The following STK32B variants were observed in gnomAD, a reference collection of about 807,000 sequenced individuals.
STK32B encodes serine/threonine-protein kinase 32B.
A neutral mutation model predicts 52.6 loss-of-function variants in STK32B; 43 were observed. The ratio of observed to expected loss-of-function variants is 0.82; its 90% CI spans 0.64 to 1.05. The LOEUF (loss-of-function observed/expected upper bound fraction) is 1.05. Ranked by LOEUF, STK32B falls within the 50% of genes least tolerant of loss-of-function variation. STK32B has a pLI of 0.00. For synonymous variants in STK32B, 238 were observed against 204.3 expected (o/e 1.17, Z -1.41); for missense variants, 621 against 534.6 (o/e 1.16, Z -1.59).
intron 1 of STK32B, among the ~76,000 whole-genome samples, chr4:5,096,685 C>T (rs557012287): frequency 3.1e-4 from 47 of 152,254 alleles, no homozygotes; most frequent in Admixed American, 1.9e-3. Context: ...GGGCCAGTCG[C>T]GAACACCATG....
At chr4:5,230,211 G>GTTTTTTTTTTTT (rs1553853809) in intron 3 of STK32B, among the ~76,000 whole-genome samples, 1 of 46,992 alleles carries the variant, frequency 2.1e-5, no homozygotes, top group African/African-American at 1.3e-4. Context: ...TTTTTTTTTA[G>GTTTTTTTTTTTT]TGGAGTCTTG....
intron 3 of STK32B, among the ~76,000 whole-genome samples, chr4:5,193,595 G>T (rs946795994): frequency 6.6e-6 from 1 of 152,228 alleles, no homozygotes; most frequent in Admixed American, 6.5e-5. Flanking sequence ...CGGCTGTGCT[G>T]CATCCTGGAA....
chr4:5,190,573 G>A (rs1721106419), intron 3 of STK32B, among the ~76,000 whole-genome samples: 1 of 152,166 alleles, frequency 6.6e-6, no homozygotes, highest in Non-Finnish European at 1.5e-5. Flanking sequence ...GGTGATGTAT[G>A]CAGAGCAAAA....
At chr4:5,271,402 A>G (rs1411469602) in intron 3 of STK32B, among the ~76,000 whole-genome samples, 11 of 152,144 alleles carry the variant, frequency 7.2e-5, no homozygotes, top group African/African-American at 2.4e-4. Flanking sequence ...TTAAGACTCA[A>G]TATTGCTTGT....
At chr4:5,101,681 C>T in intron 1 of STK32B, among the ~76,000 whole-genome samples, 1 of 152,070 alleles carries the variant, frequency 6.6e-6, no homozygotes, top group East Asian at 1.9e-4. Flanking sequence ...TAACTCAAAG[C>T]ATTTCTTTAA....
At chr4:5,181,694 C>A (rs2108753765) in intron 3 of STK32B, among the ~76,000 whole-genome samples, 1 of 152,258 alleles carries the variant, frequency 6.6e-6, no homozygotes, top group South Asian at 2.1e-4. Flanking sequence ...AGAATTATGT[C>A]TAAAAAACAA....
rs1314258173 is a variant in STK32B, at chr4:5,399,621, A to C, written c.472+1377A>C. Among the ~76,000 whole-genome samples, 37 of 152,182 alleles carry C rather than the reference A, an allele frequency of 2.4e-4. No homozygotes were observed. The highest frequency in any genetic ancestry group is 2.4e-3 in the Admixed American group (37 of 15,282). On this transcript the variant is annotated intron_variant, in intron 5 of 11. Transcript: ENST00000282908. The surrounding 1 kb of genome is among the most constrained non-coding windows in gnomAD (Gnocchi z 5.4). ...AGCGAAAGCAACGTCTCCAGTTTGTATCTAAAAGTCAGGATCTTCAGATGT... is the reference window on the plus strand; with the variant it reads ...AGCGAAAGCAACGTCTCCAGTTTGTCTCTAAAAGTCAGGATCTTCAGATGT...
chr4:5,387,719 A>G (rs1250878926), intron 4 of STK32B, among the ~76,000 whole-genome samples: 1 of 152,162 alleles, frequency 6.6e-6, no homozygotes, highest in Non-Finnish European at 1.5e-5. Flanking sequence ...AGGAGCTGGC[A>G]TGCTTCTGCC....
chr4:5,120,028 T>C (rs1296900979), intron 1 of STK32B, among the ~76,000 whole-genome samples: 1 of 152,154 alleles, frequency 6.6e-6, no homozygotes, highest in African/African-American at 2.4e-5. Context: ...ATTTCAGAAA[T>C]GAACAATTTT....
chr4:5,446,895 G>GC (rs1274904582), intron 7 of STK32B, 119 bp downstream of exon 7: 11 of 912,546 alleles, frequency 1.2e-5, no homozygotes, highest in Admixed American at 8.7e-5. Flanking sequence ...GGGAGTCACT[G>GC]CCCCCCAGGT....
At position 5,392,131 on chromosome 4, in the gene STK32B, A is replaced by G. The variant is rs189860632; in HGVS notation, c.435-6076A>G. Among the ~76,000 whole-genome samples, 95 of 152,376 alleles carry G rather than the reference A, an allele frequency of 6.2e-4. No individual in the cohort carries two copies. The East Asian group carries it at 0.014, about 23-fold the overall frequency. On this transcript the variant is annotated intron_variant, in intron 4 of 11. Coordinates refer to ENST00000282908, the MANE Select transcript of STK32B (RefSeq NM_018401.3). ...ATAAGTTTCCTGAAATGTGAATAAC[A>G]TAATTTTTTAAAATCAAATCAGAAC...
chr4:5,142,667 C>A (rs116021428), intron 2 of STK32B, among the ~76,000 whole-genome samples: 128 of 152,256 alleles, frequency 8.4e-4, no homozygotes, highest in African/African-American at 3.0e-3. Context: ...TTGTTGAGGG[C>A]AGAAATCTTT....
intron 3 of STK32B, among the ~76,000 whole-genome samples, chr4:5,301,754 T>TTG (rs1463018426): frequency 6.6e-6 from 1 of 151,204 alleles, no homozygotes; most frequent in African/African-American, 2.4e-5. Flanking sequence ...AGCTTTTTTT[T>TTG]TTTTGAAAAC....
chr4:5,479,129 T>TG (rs1214796103), intron 11 of STK32B, among the ~76,000 whole-genome samples: 5 of 149,540 alleles, frequency 3.3e-5, no homozygotes, highest in Admixed American at 1.3e-4. Context: ...TTTTGTTTTT[T>TG]TTTTTTTTTA....
At chr4:5,336,410 T>C (rs1196933503) in intron 4 of STK32B, among the ~76,000 whole-genome samples, 4 of 152,068 alleles carry the variant, frequency 2.6e-5, no homozygotes, top group Non-Finnish European at 4.4e-5. Flanking sequence ...GGAAATCTTC[T>C]AACTTGAACA....
chr4:5,339,978 C>G (rs1169597151), intron 4 of STK32B, among the ~76,000 whole-genome samples: 1 of 152,148 alleles, frequency 6.6e-6, no homozygotes. Context: ...TGTTATAGAT[C>G]TTTAGAAAAC....
intron 3 of STK32B, among the ~76,000 whole-genome samples, chr4:5,319,562 C>G (rs1357868998): frequency 7.3e-6 from 1 of 136,966 alleles, no homozygotes; most frequent in African/African-American, 3.5e-5. Flanking sequence ...TTACCCCTCT[C>G]CAGCACGCAC....
chr4:5,100,587 CTCCCTTCT>C (rs1476135492), intron 1 of STK32B, among the ~76,000 whole-genome samples: 2 of 141,010 alleles, frequency 1.4e-5, no homozygotes, highest in African/African-American at 2.7e-5. Flanking sequence ...GCCTGCCTCC[CTCCCTTCT>C]TCCTTTCTTC....
At chr4:5,150,605 C>T (rs1717276642) in intron 2 of STK32B, among the ~76,000 whole-genome samples, 1 of 151,854 alleles carries the variant, frequency 6.6e-6, no homozygotes, top group African/African-American at 2.4e-5. Flanking sequence ...CTGCTTTCAG[C>T]TTGTTCTATG....
Sources: gnomAD v4.1 joint callset for allele counts (sites outside exome capture counted in the v4.1 genomes callset) on GRCh38, gnomAD v4.1.1 for gene constraint, Gnocchi (gnomAD v3.1) non-coding constraint, MANE v1.5 for transcripts, NCBI Gene and HGNC (gene_info 2026-07-23, HGNC 2026-07-21) for gene names.